SDK1: variants seen among roughly 807,000 people sequenced by gnomAD.
SDK1 encodes the protein sidekick cell adhesion molecule 1.
A neutral mutation model predicts 245.5 loss-of-function variants in SDK1; 157 were observed. The observed-to-expected ratio is 0.64, with a 90% CI of 0.56 to 0.73. The LOEUF (loss-of-function observed/expected upper bound fraction) is 0.73. Among genes scored for constraint, SDK1 ranks in the 30% least tolerant of loss-of-function variants. SDK1 has a pLI of 0.00. For missense variants in SDK1, 3,583 were observed against 3,002.3 expected (o/e 1.19, Z -4.52); for synonymous variants, 1,647 against 1,278.5 (o/e 1.29, Z -6.15).
At chr7:3,807,618 G>A (rs1002782755) in intron 4 of SDK1, among the ~76,000 whole-genome samples, 2 of 152,140 alleles carry the variant, frequency 1.3e-5, no homozygotes, top group South Asian at 2.1e-4. Context: ...GTGGGCCAAG[G>A]TGCAGAACTG....
chr7:3,559,294 G>C (rs552227041), intron 1 of SDK1, among the ~76,000 whole-genome samples: 1 of 152,196 alleles, frequency 6.6e-6, no homozygotes, highest in African/African-American at 2.4e-5. Flanking sequence ...GCCTCATTTT[G>C]AACAGTTCTG....
At chr7:4,018,666 G>T (rs753724996) in intron 17 of SDK1, among the ~76,000 whole-genome samples, 1 of 152,086 alleles carries the variant, frequency 6.6e-6, no homozygotes, top group Non-Finnish European at 1.5e-5. Context: ...TTTATTTCCG[G>T]TGCATTTGAG....
At chr7:3,470,849 C>T (rs926773188) in intron 1 of SDK1, among the ~76,000 whole-genome samples, 3 of 152,118 alleles carry the variant, frequency 2.0e-5, no homozygotes, top group Non-Finnish European at 4.4e-5. Context: ...CAAATTTCTA[C>T]TATTATCATT....
chr7:3,444,715 G>A (rs1279705663), intron 1 of SDK1, among the ~76,000 whole-genome samples: 1 of 152,124 alleles, frequency 6.6e-6, no homozygotes, highest in Non-Finnish European at 1.5e-5. Context: ...TCTGTTTTCA[G>A]TAGGCCAGTC....
intron 14 of SDK1, among the ~76,000 whole-genome samples, chr7:3,999,756 G>C (rs1452352762): frequency 6.6e-6 from 1 of 152,202 alleles, no homozygotes; most frequent in Non-Finnish European, 1.5e-5. Context: ...GTATTTTTAA[G>C]TACAAAGTAA....
rs368738110 is a variant in SDK1, at chr7:3,508,327, T to TTCTTC, written c.299-110752_299-110751insCTTCT. 3.8e-4 allele frequency among the ~76,000 whole-genome samples: 41 copies of TTCTTC among 108,390 alleles called. 1 individual carries two copies. Among genetic ancestry groups the TTCTTC allele is most frequent in the East Asian group, 1.3e-3 (6 of 4,474 alleles). The allele number at this position is 108,390 out of a possible 152,430, so 71.1% of individuals were successfully genotyped here. Reference sequence around the variant, plus strand: ...ATCATCATTCTTCTTCTTCTTCTTCTTTTTTTTTTTTTTTTTGAGACAGAA... The same window carrying TTCTTC: ...ATCATCATTCTTCTTCTTCTTCTTCTTCTTCTTTTTTTTTTTTTTTTGAGACAGAA... On this transcript the variant is annotated intron_variant, in intron 1 of 44. Transcript: ENST00000404826.
intron 35 of SDK1, among the ~76,000 whole-genome samples, chr7:4,193,572 G>A (rs1783366731): frequency 6.6e-6 from 1 of 151,650 alleles, no homozygotes; most frequent in South Asian, 2.1e-4. Flanking sequence ...CCCATTCCAA[G>A]TTGCAGAGTC....
At chr7:3,718,145 C>G (rs1026556271) in intron 4 of SDK1, among the ~76,000 whole-genome samples, 1 of 152,100 alleles carries the variant, frequency 6.6e-6, no homozygotes, top group Non-Finnish European at 1.5e-5. Flanking sequence ...GTCATACTAA[C>G]AGCAGTCCAG....
At chr7:3,792,904 A>G (rs1374279671) in intron 4 of SDK1, among the ~76,000 whole-genome samples, 1 of 152,222 alleles carries the variant, frequency 6.6e-6, no homozygotes, top group Non-Finnish European at 1.5e-5. Context: ...GTTTTAACAT[A>G]GAAAGCTTAA....
At chr7:4,041,429 G>C (rs191787413) in intron 17 of SDK1, among the ~76,000 whole-genome samples, 15 of 152,054 alleles carry the variant, frequency 9.9e-5, no homozygotes, top group Admixed American at 2.0e-4. Context: ...CCTTTCTTAT[G>C]AGCAGTGAAC....
At chr7:3,751,757 G>A (rs1389239594) in intron 4 of SDK1, among the ~76,000 whole-genome samples, 1 of 152,168 alleles carries the variant, frequency 6.6e-6, no homozygotes, top group Non-Finnish European at 1.5e-5. Context: ...AGTGCCCTGA[G>A]GTCACCTTGC....
intron 1 of SDK1, among the ~76,000 whole-genome samples, chr7:3,460,407 A>G (rs751123732): frequency 2.0e-5 from 3 of 152,238 alleles, no homozygotes; most frequent in African/African-American, 4.8e-5. Flanking sequence ...TGTTTATGCT[A>G]TTGAAAATAT....
chr7:4,108,535 G>A (rs879403753), intron 22 of SDK1, among the ~76,000 whole-genome samples: 1 of 152,160 alleles, frequency 6.6e-6, no homozygotes, highest in Admixed American at 6.5e-5. Context: ...AAGCTGCACA[G>A]TCTTTTCCTA....
chr7:4,175,582 G>A (rs1017092427), intron 33 of SDK1, among the ~76,000 whole-genome samples, 193 bp from the exon 34 acceptor site: 2 of 152,232 alleles, frequency 1.3e-5, no homozygotes, highest in South Asian at 4.1e-4. Context: ...ACGAGGAGGT[G>A]CGGCAGCCCC....
chr7:4,147,538 G>A (rs1780060496), intron 29 of SDK1, among the ~76,000 whole-genome samples: 1 of 152,186 alleles, frequency 6.6e-6, no homozygotes, highest in Non-Finnish European at 1.5e-5. Flanking sequence ...AAAGCTCTGG[G>A]ATTGCAGGTG....
rs1183450751 is a variant in SDK1, at chr7:4,140,899, C to T, written c.4229-4823C>T. 2.6e-5 allele frequency among the ~76,000 whole-genome samples: 4 copies of T among 152,134 alleles called. No homozygotes were observed. In the South Asian group the frequency reaches 6.2e-4, roughly 24 times the overall value. ...GAAGGATCGCTTGAGCCGAGGAGTTCAAGACCAGCCTGTGCAACATAGTGA... is the reference window on the plus strand; with the variant it reads ...GAAGGATCGCTTGAGCCGAGGAGTTTAAGACCAGCCTGTGCAACATAGTGA... On this transcript the variant is annotated intron_variant, in intron 28 of 44. Coordinates refer to ENST00000404826, the MANE Select transcript of SDK1 (RefSeq NM_152744.4).
intron 20 of SDK1, among the ~76,000 whole-genome samples, chr7:4,071,112 G>A (rs1468469074): frequency 2.6e-5 from 4 of 151,994 alleles, no homozygotes; most frequent in Non-Finnish European, 2.9e-5. Flanking sequence ...TGGAACATCC[G>A]CCTCCCGGTT....
chr7:3,686,849 T>A (rs948049131), intron 4 of SDK1, among the ~76,000 whole-genome samples: 3 of 152,270 alleles, frequency 2.0e-5, no homozygotes, highest in South Asian at 4.1e-4. Context: ...TGGAATAATT[T>A]CAGTAGGTTC....
intron 1 of SDK1, among the ~76,000 whole-genome samples, chr7:3,488,554 C>T (rs1307028976): frequency 6.6e-6 from 1 of 152,172 alleles, no homozygotes; most frequent in Admixed American, 6.5e-5. Flanking sequence ...CATATGTCAT[C>T]AAGTTTTCTA....
Sources: gnomAD v4.1 joint callset for allele counts (sites outside exome capture counted in the v4.1 genomes callset) on GRCh38, gnomAD v4.1.1 for gene constraint, MANE v1.5 for transcripts, NCBI Gene and HGNC (gene_info 2026-07-23, HGNC 2026-07-21) for gene names.